Variants in OSBPL10 observed in about 807,000 individuals in gnomAD.
The protein encoded by OSBPL10 is oxysterol-binding protein-related protein 10.
A neutral mutation model predicts 81.7 loss-of-function variants in OSBPL10; 49 were observed. The ratio of observed to expected loss-of-function variants is 0.60; its 90% confidence interval spans 0.48 to 0.76. The LOEUF (loss-of-function observed/expected upper bound fraction) is 0.76, where lower values mean the gene tolerates loss of function less well. Ranked by LOEUF, OSBPL10 falls within the 30% of genes least tolerant of loss-of-function variation. The pLI is 0.00. For synonymous variants in OSBPL10, 419 were observed against 383.6 expected, an observed-to-expected ratio of 1.09 and a Z score of -1.08; for missense variants, 923 against 987.8, an observed-to-expected ratio of 0.93 and a Z score of 0.88.
intron 2 of OSBPL10, among the ~76,000 whole-genome samples, chr3:32,012,220 C>T (rs113542189): frequency 6.0e-5 from 9 of 150,692 alleles, no homozygotes; most frequent in African/African-American, 9.8e-5. Context: ...CAAAGGGAAG[C>T]CCATCAGACT....
rs188766656 is a variant in OSBPL10 at position 31,807,729 on chromosome 3, C to A, written c.729+22311G>T. Among the ~76,000 whole-genome samples the A allele has an allele frequency of 1.2e-3, 182 of 152,162 alleles. 1 individual carries two copies. The highest frequency in any genetic ancestry group is 2.1e-3 in the Non-Finnish European group (142 of 68,000). On this transcript the variant is annotated intron_variant, in intron 4 of 11. Coordinates refer to ENST00000396556, the MANE Select transcript of OSBPL10 (RefSeq NM_017784.5). ...CTCCAGTCTGGATGACTGAGCAAGA[C>A]CCCATCTCTAAAAAGAATTTTTCTT...
intron 3 of OSBPL10, among the ~76,000 whole-genome samples, chr3:31,870,130 CA>C (rs1487422919): frequency 6.6e-6 from 1 of 152,236 alleles, no homozygotes; most frequent in Admixed American, 6.5e-5. Flanking sequence ...GGGACAGGCG[CA>C]AGGGGGAACC....
chr3:31,915,221 G>A (rs1439517014), intron 1 of OSBPL10, among the ~76,000 whole-genome samples: 2 of 151,646 alleles, frequency 1.3e-5, no homozygotes, highest in African/African-American at 4.8e-5. Context: ...CCATTACCAT[G>A]AATAAAATTT....
intron 6 of OSBPL10, among the ~76,000 whole-genome samples, chr3:31,726,310 AT>A (rs11338208): frequency 0.099 from 14,664 of 148,088 alleles, 1,749 homozygotes; most frequent in African/African-American, 0.29. Flanking sequence ...TGTCTTTTTA[AT>A]TTTTTTTTTT....
At chr3:31,687,946 A>G (rs1700835276) in intron 7 of OSBPL10, among the ~76,000 whole-genome samples, 1 of 147,664 alleles carries the variant, frequency 6.8e-6, no homozygotes, top group African/African-American at 2.6e-5. Flanking sequence ...AGAAGTGGGC[A>G]AAGGAGATCA....
intron 1 of OSBPL10, among the ~76,000 whole-genome samples, chr3:31,884,969 G>A (rs1454412128): frequency 1.3e-5 from 2 of 152,016 alleles, no homozygotes; most frequent in African/African-American, 4.8e-5. Context: ...GGAAGAAAGC[G>A]AACAAACCCA....
intron 4 of OSBPL10, among the ~76,000 whole-genome samples, chr3:31,806,455 C>T (rs147793825): frequency 1.3e-5 from 2 of 152,352 alleles, no homozygotes; most frequent in East Asian, 3.9e-4. Context: ...CTTGCACTTA[C>T]TTACCTTCTT....
At chr3:31,988,839 G>A in intron 2 of OSBPL10, 1 of 563,404 alleles carries the variant, frequency 1.8e-6, no homozygotes, top group Non-Finnish European at 3.1e-6. Context: ...GTCAAGCCTT[G>A]AGATGACTGC....
At chr3:32,035,562 C>CA (rs35533294) in intron 2 of OSBPL10, among the ~76,000 whole-genome samples, 58,956 of 91,038 alleles carry the variant, frequency 0.65, 19,962 homozygotes, top group South Asian at 0.78. Flanking sequence ...AACTCTGTCT[C>CA]AAAAAAAAAA....
Position 31,989,312 on chromosome 3 carries a change from C to T in OSBPL10, n.298+57179G>A, listed in dbSNP as rs374760869. 67 of 1,614,026 alleles carry T rather than the reference C, an allele frequency of 4.2e-5. No homozygotes were observed. In the African/African-American group the frequency reaches 4.5e-4, roughly 11 times the overall value. On this transcript the variant is annotated intron_variant and non_coding_transcript_variant, in intron 2 of 3. Coordinates refer to the OSBPL10 transcript ENST00000479173. ...ATGATGAAGAAGTTCTCATCAACAGCGCAAGGCAATACAGAAGTGGACACA... is the reference window on the plus strand; with the variant it reads ...ATGATGAAGAAGTTCTCATCAACAGTGCAAGGCAATACAGAAGTGGACACA...
chr3:31,855,004 G>GGTTTT (rs571751513), intron 3 of OSBPL10, among the ~76,000 whole-genome samples: 1,818 of 150,316 alleles, frequency 0.012, 32 homozygotes, highest in African/African-American at 0.042. Context: ...GGTTGTCATG[G>GGTTTT]TTTTGTTTTG....
intron 6 of OSBPL10, among the ~76,000 whole-genome samples, chr3:31,711,428 G>A (rs1222753097): frequency 6.6e-5 from 10 of 152,142 alleles, no homozygotes; most frequent in African/African-American, 1.9e-4. Flanking sequence ...TACCTTAATC[G>A]GAATTCTTTC....
chr3:31,981,453 C>T, upstream of OSBPL10: 1 of 435,308 alleles, frequency 2.3e-6, no homozygotes, highest in Non-Finnish European at 3.8e-6. This position sits in a 1 kb window ranked among gnomAD's most constrained non-coding sequence, Gnocchi z 4.5. Flanking sequence ...AAGTTCGGAG[C>T]GGGTGGCCGG....
At chr3:32,010,706 G>T (rs888200712) in intron 2 of OSBPL10, among the ~76,000 whole-genome samples, 1 of 152,204 alleles carries the variant, frequency 6.6e-6, no homozygotes, top group Non-Finnish European at 1.5e-5. Flanking sequence ...GGAACAGGGT[G>T]ACAGATGGCA....
At chr3:31,909,818 G>T (rs993766091) in intron 1 of OSBPL10, among the ~76,000 whole-genome samples, 51 of 152,074 alleles carry the variant, frequency 3.4e-4, no homozygotes, top group African/African-American at 1.2e-3. Flanking sequence ...CCCACTCTGA[G>T]TAGCAGCTTT....
chr3:32,001,564 G>A (rs1210745972), intron 2 of OSBPL10, among the ~76,000 whole-genome samples: 1 of 152,122 alleles, frequency 6.6e-6, no homozygotes, highest in Non-Finnish European at 1.5e-5. Context: ...GTAAAAACTG[G>A]TGCAAATAAG....
At chr3:31,899,580 A>G (rs1250822782) in intron 1 of OSBPL10, among the ~76,000 whole-genome samples, 2 of 152,212 alleles carry the variant, frequency 1.3e-5, no homozygotes, top group Non-Finnish European at 2.9e-5. Context: ...ATGTAATCTC[A>G]GCACTTTGAG....
intron 7 of OSBPL10, among the ~76,000 whole-genome samples, chr3:31,695,142 A>G (rs2125576542): frequency 6.6e-6 from 1 of 152,330 alleles, no homozygotes; most frequent in African/African-American, 2.4e-5. Flanking sequence ...GCACAGCTCA[A>G]TCCACTAGTT....
chr3:31,685,126 T>C (rs1253303749), intron 7 of OSBPL10, among the ~76,000 whole-genome samples: 1 of 152,224 alleles, frequency 6.6e-6, no homozygotes, highest in Admixed American at 6.5e-5. Context: ...TCATTACTGC[T>C]ACTGCTTTTT....
Sources: allele counts gnomAD v4.1 joint callset (sites outside exome capture counted in the v4.1 genomes callset), GRCh38; gene constraint gnomAD v4.1.1; non-coding constraint Gnocchi (gnomAD v3.1); transcripts MANE v1.5; gene names NCBI Gene and HGNC (gene_info 2026-07-23, HGNC 2026-07-21).